SYT16: variants seen among roughly 807,000 people sequenced by gnomAD.
SYT16 encodes synaptotagmin-16.
A neutral mutation model predicts 61.4 loss-of-function variants in SYT16; 42 were observed. The ratio of observed to expected loss-of-function variants is 0.68; its 90% confidence interval spans 0.53 to 0.89. SYT16 has a LOEUF of 0.89. SYT16 is among the 40% of genes least tolerant of loss of function. The probability of loss-of-function intolerance (pLI) is 0.00; values close to 1 mark genes in which losing one functional copy is unlikely to be tolerated. For synonymous variants in SYT16, 314 were observed against 302.3 expected, an observed-to-expected ratio of 1.04 and a Z score of -0.40; for missense variants, 804 against 807.3, an observed-to-expected ratio of 1.00 and a Z score of 0.05.
chr14:61,916,401 C>T (rs558449540), intron 1 of SYT16, among the ~76,000 whole-genome samples: 7 of 152,154 alleles, frequency 4.6e-5, no homozygotes, highest in African/African-American at 9.6e-5. Context: ...TATTACTCCA[C>T]GGAGAGCTTA....
chr14:61,845,501 C>T (rs938931510), intron 1 of SYT16, among the ~76,000 whole-genome samples: 1 of 152,176 alleles, frequency 6.6e-6, no homozygotes, highest in African/African-American at 2.4e-5. Context: ...TCATAGCAGC[C>T]ACTAATGATC....
In SYT16 at chr14:62,100,247, C is replaced by T. The variant is rs891664819; in HGVS notation, c.1625-147C>T. 5 of 676,366 alleles carry T rather than the reference C, an allele frequency of 7.4e-6. No homozygotes were observed. The Admixed American group carries it at 1.5e-4, about 20-fold the overall frequency. 41.9% of individuals were successfully genotyped at this position (676,366 alleles called of 1,614,324 possible). On this transcript the variant is annotated intron_variant, in intron 7 of 7. Transcript: ENST00000683842. ...AATAATTCATGCAAGATGTGTTGCC[C>T]AACAGCAAGAACCAGGCTTAAGGAT...
Position 62,073,564 on chromosome 14 carries a change from G to A in SYT16, c.737-1571G>A, listed in dbSNP as rs112563064. ...TGTCCCATAAAAGTGTTTCCAAGGG[G>A]TCTGAACTGAATAATGAAGGATAAC... On this transcript the variant is annotated intron_variant, in intron 4 of 7. Transcript: ENST00000683842. 3.2e-3 allele frequency among the ~76,000 whole-genome samples: 492 copies of A among 152,268 alleles called. 3 individuals carry two copies. Among genetic ancestry groups the A allele is most frequent in the African/African-American group, 0.011 (472 of 41,542 alleles).
chr14:62,094,384 C>T (rs867785901), intron 7 of SYT16, among the ~76,000 whole-genome samples: 2 of 152,114 alleles, frequency 1.3e-5, no homozygotes, highest in Admixed American at 6.6e-5. Flanking sequence ...CCTCTTCCCC[C>T]TAAATGCAGC....
Position 62,037,162 on chromosome 14 carries a change from C to T in SYT16, c.524-32441C>T, listed in dbSNP as rs573863544. On this transcript the variant is annotated intron_variant, in intron 3 of 7. Transcript: ENST00000683842. ...TCTCAGATGCTCTGAGAATCTGGTCCCCACTTGAAATGAATTTCAGAAGCA... is the reference window on the plus strand; with the variant it reads ...TCTCAGATGCTCTGAGAATCTGGTCTCCACTTGAAATGAATTTCAGAAGCA... Among the ~76,000 whole-genome samples the T allele has an allele frequency of 1.5e-3, 234 of 151,052 alleles. 1 individual carries two copies. The highest frequency in any genetic ancestry group is 9.0e-4 in the Non-Finnish European group (61 of 67,788).
intron 3 of SYT16, among the ~76,000 whole-genome samples, chr14:62,016,287 G>T (rs2053672727): frequency 6.6e-6 from 1 of 152,194 alleles, no homozygotes; most frequent in Non-Finnish European, 1.5e-5. Context: ...AAAGATGAGA[G>T]AGATGTTATA....
intron 2 of SYT16, among the ~76,000 whole-genome samples, chr14:61,986,470 A>G (rs1379733651): frequency 2.0e-5 from 3 of 150,350 alleles, no homozygotes; most frequent in Non-Finnish European, 4.4e-5. Flanking sequence ...TTTTTATTAT[A>G]CTTTAAGTTC....
intron 1 of SYT16, among the ~76,000 whole-genome samples, chr14:61,940,222 T>C (rs144868892): frequency 2.6e-5 from 4 of 152,150 alleles, no homozygotes; most frequent in African/African-American, 9.7e-5. Flanking sequence ...GCTTTTGAGG[T>C]GACATTCCTT....
intron 1 of SYT16, among the ~76,000 whole-genome samples, chr14:61,905,149 C>T (rs746896629): frequency 2.6e-5 from 4 of 152,182 alleles, no homozygotes; most frequent in Admixed American, 2.0e-4. Context: ...GCCCTAGGGC[C>T]ATAAAGATGA....
At chr14:61,819,213 C>T (rs2045539855) in intron 1 of SYT16, among the ~76,000 whole-genome samples, 1 of 152,128 alleles carries the variant, frequency 6.6e-6, no homozygotes, top group African/African-American at 2.4e-5. Flanking sequence ...ATTTGGATGA[C>T]ATTTGTCCTT....
At chr14:61,972,875 G>A (rs563580346) in intron 2 of SYT16, among the ~76,000 whole-genome samples, 4 of 152,288 alleles carry the variant, frequency 2.6e-5, no homozygotes, top group South Asian at 4.1e-4. Flanking sequence ...GCAAATTGAT[G>A]AGTCTGGACT....
In SYT16 at chr14:61,858,244, G is replaced by C. The variant is rs74057542; in HGVS notation, c.-325+45434G>C. Among the ~76,000 whole-genome samples, 1,411 of 151,802 alleles carry C rather than the reference G, an allele frequency of 9.3e-3. 16 individuals carry two copies. The highest frequency in any genetic ancestry group is 0.032 in the African/African-American group (1,334 of 41,394). ...CAGTCTTAGGTCCACATTTCAATCA[G>C]GGCCTTCCGCATACAGGGGAAAGAC... On this transcript the variant is annotated intron_variant, in intron 1 of 7. Coordinates refer to ENST00000683842, the MANE Select transcript of SYT16 (RefSeq NM_001367656.1).
At chr14:61,905,593 T>C (rs1476891337) in intron 1 of SYT16, among the ~76,000 whole-genome samples, 1 of 152,186 alleles carries the variant, frequency 6.6e-6, no homozygotes, top group Non-Finnish European at 1.5e-5. Context: ...AATTATCTGC[T>C]TGCCTTGCCC....
intron 2 of SYT16, among the ~76,000 whole-genome samples, chr14:61,989,094 A>C (rs945359402): frequency 6.6e-6 from 1 of 152,184 alleles, no homozygotes; most frequent in African/African-American, 2.4e-5. Context: ...AGTTGTCAAA[A>C]AGCATTATAT....
chr14:62,045,415 GGTT>G (rs2054930643), intron 3 of SYT16, among the ~76,000 whole-genome samples: 2 of 151,844 alleles, frequency 1.3e-5, no homozygotes, highest in South Asian at 4.2e-4. Flanking sequence ...TTTCTGTAAT[GGTT>G]GTTGGTCTGT....
chr14:62,006,234 G>A (rs1413229403), intron 3 of SYT16, among the ~76,000 whole-genome samples: 2 of 152,036 alleles, frequency 1.3e-5, no homozygotes, highest in Admixed American at 1.3e-4. Flanking sequence ...TAACAGTCTG[G>A]AAGACTCCTC....
chr14:62,087,685 C>T (rs1024121542), intron 7 of SYT16, among the ~76,000 whole-genome samples: 3 of 152,178 alleles, frequency 2.0e-5, no homozygotes, highest in Admixed American at 6.5e-5. Flanking sequence ...TTTGAATTCA[C>T]CAACCTGACC....
chr14:62,011,872 T>TACACACACACACACACAC (rs1233473446), intron 3 of SYT16, among the ~76,000 whole-genome samples: 96 of 135,938 alleles, frequency 7.1e-4, no homozygotes, highest in African/African-American at 2.8e-3. Context: ...GAACACTATA[T>TACACACACACACACACAC]ATACACACAC....
At chr14:62,023,175 G>T (rs775159707) in intron 3 of SYT16, among the ~76,000 whole-genome samples, 1 of 152,024 alleles carries the variant, frequency 6.6e-6, no homozygotes, top group African/African-American at 2.4e-5. Context: ...CCTGCTGGCT[G>T]GGAGCTGGAA....
Sources: gnomAD v4.1 joint callset for allele counts (sites outside exome capture counted in the v4.1 genomes callset) on GRCh38, gnomAD v4.1.1 for gene constraint, MANE v1.5 for transcripts, NCBI Gene and HGNC (gene_info 2026-07-23, HGNC 2026-07-21) for gene names.